Variants in PLCB4 observed in about 807,000 individuals in gnomAD.
PLCB4 encodes phospholipase C beta 4.
In PLCB4, 77 loss-of-function variants were observed where a neutral mutation model predicts 178.8. That is an observed-to-expected ratio of 0.43 (90% CI 0.36 to 0.52). The LOEUF (loss-of-function observed/expected upper bound fraction) is 0.52. Ranked by LOEUF, PLCB4 falls within the 20% of genes least tolerant of loss-of-function variation. The pLI is 0.00. For missense variants in PLCB4, 1,024 were observed against 1,453.4 expected (o/e 0.70, Z 4.80); for synonymous variants, 496 against 490.8 (o/e 1.01, Z -0.14).
chr20:9,107,851 G>C (rs550731548), intron 2 of PLCB4, among the ~76,000 whole-genome samples: 1 of 152,286 alleles, frequency 6.6e-6, no homozygotes, highest in Non-Finnish European at 1.5e-5. Flanking sequence ...TTATGTTCCT[G>C]TGTAATCAAG....
At chr20:9,211,006 T>C (rs2093666890) in intron 2 of PLCB4, among the ~76,000 whole-genome samples, 1 of 152,210 alleles carries the variant, frequency 6.6e-6, no homozygotes, top group South Asian at 2.1e-4. Flanking sequence ...GAAACTTGTT[T>C]CTAAGATTTG....
At chr20:9,352,006 G>T (rs1040523518) in intron 7 of PLCB4, among the ~76,000 whole-genome samples, 2 of 152,192 alleles carry the variant, frequency 1.3e-5, no homozygotes, top group Non-Finnish European at 2.9e-5. Flanking sequence ...ACTGAGTTGA[G>T]TCCAAAAGTA....
At chr20:9,431,423 C>T (rs1000949671) in intron 28 of PLCB4, among the ~76,000 whole-genome samples, 2 of 152,038 alleles carry the variant, frequency 1.3e-5, no homozygotes, top group African/African-American at 4.8e-5. Flanking sequence ...TTTTGGTGGA[C>T]ACTATTCAAC....
At chr20:9,378,514 G>A (rs556410149) in intron 12 of PLCB4, among the ~76,000 whole-genome samples, 8 of 152,202 alleles carry the variant, frequency 5.3e-5, no homozygotes, top group Admixed American at 4.6e-4. Flanking sequence ...TCCATTGCAC[G>A]ATGGCATCAA....
chr20:9,161,162 G>T (rs2092881856), intron 2 of PLCB4, among the ~76,000 whole-genome samples: 1 of 152,148 alleles, frequency 6.6e-6, no homozygotes, highest in Non-Finnish European at 1.5e-5. Context: ...AGTTTATAAG[G>T]TTTGTAATTA....
intron 2 of PLCB4, among the ~76,000 whole-genome samples, chr20:9,130,805 C>T (rs1226618535): frequency 6.6e-6 from 1 of 152,112 alleles, no homozygotes; most frequent in Non-Finnish European, 1.5e-5. Context: ...ATATGAAGCC[C>T]AAGCAAAGCA....
At chr20:9,466,670 C>T (rs1019427766) in intron 35 of PLCB4, among the ~76,000 whole-genome samples, 4 of 152,176 alleles carry the variant, frequency 2.6e-5, no homozygotes, top group African/African-American at 9.7e-5. Flanking sequence ...CCAACAGACA[C>T]ATGAAAAAAT....
At position 9,421,290 on chromosome 20, in the gene PLCB4, G is replaced by A. The variant is rs1463210875; in HGVS notation, c.2155-7G>A. The A allele has an allele frequency of 6.2e-7, 1 of 1,606,712 alleles. No homozygotes were observed. Among genetic ancestry groups the A allele is most frequent in the Non-Finnish European group, 8.5e-7 (1 of 1,174,568 alleles). On this transcript the variant is annotated splice_region_variant and splice_polypyrimidine_tract_variant and intron_variant, in intron 26 of 39. Transcript: ENST00000378473. ...ACTTCTCTTTGCTCTCGTTCGTGCT[G>A]CTACAGGTTATATCAGGTCAATTCT... is the stretch of plus-strand genomic sequence containing the variant.
intron 3 of PLCB4, among the ~76,000 whole-genome samples, chr20:9,295,192 C>T (rs558076267): frequency 1.3e-5 from 2 of 152,250 alleles, no homozygotes; most frequent in African/African-American, 2.4e-5. Context: ...TGTTCCAAGA[C>T]CTTCTCAGAA....
chr20:9,389,387 T>A (rs2148405045), intron 15 of PLCB4, among the ~76,000 whole-genome samples: 1 of 151,984 alleles, frequency 6.6e-6, no homozygotes, highest in East Asian at 1.9e-4. Flanking sequence ...CTACATCAAG[T>A]TAATGAAGTA....
rs938171581 is a variant in PLCB4 at position 9,201,862 on chromosome 20, C to A, written c.-78-15528C>A. 6.3e-4 allele frequency among the ~76,000 whole-genome samples: 96 copies of A among 152,266 alleles called. 1 individual carries two copies. Among genetic ancestry groups the A allele is most frequent in the African/African-American group, 2.2e-3 (91 of 41,562 alleles). On this transcript the variant is annotated intron_variant, in intron 2 of 39. Transcript: ENST00000378473. ...AGTGTTAAACATATAATACATATAA[C>A]CCAGCCATGCCACTTGTGGGTATTT...
At chr20:9,161,665 A>G (rs1417201614) in intron 2 of PLCB4, among the ~76,000 whole-genome samples, 1 of 152,238 alleles carries the variant, frequency 6.6e-6, no homozygotes, top group Non-Finnish European at 1.5e-5. Flanking sequence ...CTTCTGAATA[A>G]TACCCAGCAT....
At chr20:9,273,497 G>A (rs1408450047) in intron 3 of PLCB4, among the ~76,000 whole-genome samples, 3 of 152,018 alleles carry the variant, frequency 2.0e-5, no homozygotes, top group Non-Finnish European at 4.4e-5. Context: ...GAAGAAGCAG[G>A]GGATCCCAAA....
intron 2 of PLCB4, among the ~76,000 whole-genome samples, chr20:9,173,441 G>A (rs2147051822): frequency 6.6e-6 from 1 of 152,242 alleles, no homozygotes; most frequent in East Asian, 1.9e-4. Flanking sequence ...ATCTGAATTA[G>A]TTTCCTGTTG....
intron 38 of PLCB4, among the ~76,000 whole-genome samples, chr20:9,476,024 G>C (rs894014829): frequency 6.6e-6 from 1 of 152,078 alleles, no homozygotes; most frequent in African/African-American, 2.4e-5. Flanking sequence ...TCCCTCAAAG[G>C]TTTCTTTCTG....
chr20:9,466,020 C>G (rs1299471880), intron 35 of PLCB4, among the ~76,000 whole-genome samples: 1 of 152,186 alleles, frequency 6.6e-6, no homozygotes, highest in Non-Finnish European at 1.5e-5. Flanking sequence ...CATCATGCTA[C>G]CCAACTTTAA....
intron 2 of PLCB4, among the ~76,000 whole-genome samples, chr20:9,160,735 G>A (rs944662212): frequency 1.3e-5 from 2 of 152,180 alleles, no homozygotes; most frequent in South Asian, 4.1e-4. Flanking sequence ...TGTGAGAAGG[G>A]AGAGCCTGCA....
intron 7 of PLCB4, among the ~76,000 whole-genome samples, chr20:9,344,742 G>T (rs1217624842): frequency 3.9e-5 from 6 of 152,182 alleles, no homozygotes; most frequent in Non-Finnish European, 8.8e-5. Context: ...GGATGTAATA[G>T]CGCTGCTGCT....
intron 21 of PLCB4, among the ~76,000 whole-genome samples, 163 bp downstream of exon 21, chr20:9,405,511 C>T (rs1432846880): frequency 6.6e-6 from 1 of 152,082 alleles, no homozygotes; most frequent in Non-Finnish European, 1.5e-5. Flanking sequence ...GTATTTAATG[C>T]AGTAAGGCAT....
Sources: allele counts gnomAD v4.1 joint callset (sites outside exome capture counted in the v4.1 genomes callset), GRCh38; gene constraint gnomAD v4.1.1; transcripts MANE v1.5; gene names NCBI Gene and HGNC (gene_info 2026-07-23, HGNC 2026-07-21).